CEP170: variants seen among roughly 807,000 people sequenced by gnomAD.
The protein encoded by CEP170 is centrosomal protein of 170 kDa.
CEP170 carries 21 observed loss-of-function variants against 151.9 expected under a neutral mutation model. That is an observed-to-expected ratio of 0.14 (90% CI 0.10 to 0.20). The LOEUF (loss-of-function observed/expected upper bound fraction) is 0.20. Among genes scored for constraint, CEP170 ranks in the 10% least tolerant of loss-of-function variants. The pLI is 1.00. For synonymous variants in CEP170, 356 were observed against 648.8 expected, an observed-to-expected ratio of 0.55 and a Z score of 6.86; for missense variants, 964 against 1,892.9, an observed-to-expected ratio of 0.51 and a Z score of 9.11.
At chr1:243,189,109 T>A (rs1051478068) in intron 8 of CEP170, among the ~76,000 whole-genome samples, 1 of 152,208 alleles carries the variant, frequency 6.6e-6, no homozygotes, top group Non-Finnish European at 1.5e-5. Context: ...AGGACAACAG[T>A]AATATGATTA....
chr1:243,203,728 A>G (rs922208727), intron 4 of CEP170, among the ~76,000 whole-genome samples: 7 of 152,170 alleles, frequency 4.6e-5, no homozygotes, highest in Admixed American at 3.3e-4. Context: ...GAAATTCTTA[A>G]GGTTACCCAA....
At chr1:243,240,971 G>A (rs1282471322) in intron 1 of CEP170, among the ~76,000 whole-genome samples, 2 of 152,100 alleles carry the variant, frequency 1.3e-5, no homozygotes, top group Admixed American at 1.3e-4. Context: ...AGGATTACAG[G>A]TGTAAGCCAC....
At chr1:243,192,434 G>A (rs2060363769) in intron 7 of CEP170, among the ~76,000 whole-genome samples, 1 of 152,044 alleles carries the variant, frequency 6.6e-6, no homozygotes, top group African/African-American at 2.4e-5. Flanking sequence ...AACGTTTTCG[G>A]TACGCAAATG....
At chr1:243,216,772 C>A (rs2062342020) in intron 3 of CEP170, among the ~76,000 whole-genome samples, 1 of 152,184 alleles carries the variant, frequency 6.6e-6, no homozygotes, top group Non-Finnish European at 1.5e-5. Context: ...AAGCTTCCAA[C>A]ATGTTTTAAA....
intron 4 of CEP170, among the ~76,000 whole-genome samples, chr1:243,204,347 A>G (rs1196087492): frequency 6.6e-6 from 1 of 152,206 alleles, no homozygotes; most frequent in African/African-American, 2.4e-5. Flanking sequence ...TTTAGATGCT[A>G]TGATATGATG....
intron 12 of CEP170, chr1:243,169,306 T>G (rs2058662544): frequency 4.4e-6 from 1 of 228,384 alleles, no homozygotes; most frequent in Non-Finnish European, 8.6e-6. Context: ...CCTTAGGAAG[T>G]CTCAACTTAC....
intron 4 of CEP170, chr1:243,211,488 C>CTT: frequency 6.1e-6 from 1 of 163,466 alleles, no homozygotes; most frequent in South Asian, 1.6e-4. Flanking sequence ...GGTTTAAATT[C>CTT]TTACATTCAT....
rs1249272514 is a variant in CEP170, at chr1:243,205,928, A to G, written c.275-5093T>C. 6.0e-5 allele frequency among the ~76,000 whole-genome samples: 9 copies of G among 151,188 alleles called. No homozygotes were observed. The East Asian group carries it at 1.5e-3, about 26-fold the overall frequency. ...GGGAGGAACAAAAAAACAACAAACA[A>G]AAAGAAAGAAGAAGAAAGAAGGAAG... On this transcript the variant is annotated intron_variant, in intron 4 of 19. Transcript: ENST00000366542.
At chr1:243,193,921 C>G (rs1475999994) in intron 7 of CEP170, among the ~76,000 whole-genome samples, 4 of 151,854 alleles carry the variant, frequency 2.6e-5, no homozygotes, top group African/African-American at 9.7e-5. Flanking sequence ...TTACCCAGAA[C>G]AAAGCAGGTA....
intron 13 of CEP170, among the ~76,000 whole-genome samples, chr1:243,156,975 T>A (rs1298291973): frequency 6.6e-6 from 1 of 152,188 alleles, no homozygotes; most frequent in Non-Finnish European, 1.5e-5. Context: ...CTGTGGAAAT[T>A]ATGCCTTTAT....
In CEP170 at chr1:243,135,415, C is replaced by T. The variant is rs375247992; in HGVS notation, c.4319+728G>A. Reference sequence around the variant, plus strand: ...TAGAGACAGGGTTTCACCGTGTTAGCCAGGATGATCTTGATCTCCTGACCT... The same window carrying T: ...TAGAGACAGGGTTTCACCGTGTTAGTCAGGATGATCTTGATCTCCTGACCT... On this transcript the variant is annotated intron_variant, in intron 17 of 19. Coordinates refer to ENST00000366542, the MANE Select transcript of CEP170 (RefSeq NM_014812.3). Among the ~76,000 whole-genome samples, 91 of 152,136 alleles carry T rather than the reference C, an allele frequency of 6.0e-4. 3 individuals are homozygous for T. In the South Asian group the frequency reaches 0.017, roughly 29 times the overall value.
At chr1:243,177,221 C>A (rs543828632) in intron 10 of CEP170, among the ~76,000 whole-genome samples, 2 of 152,128 alleles carry the variant, frequency 1.3e-5, no homozygotes, top group African/African-American at 4.8e-5. Flanking sequence ...AGAAGAGAAG[C>A]GCCGTGGGGT....
rs2057997137 is a variant in CEP170 at position 243,160,721 on chromosome 1, A to G, written c.3676+3563T>C. ...TTTATGAGCATTCAGCAATAAGATC[A>G]GCTGGGGAGAAAAACTGCTGACAAT... On this transcript the variant is annotated intron_variant, in intron 13 of 19. Transcript: ENST00000366542. Among the ~76,000 whole-genome samples, 3 of 152,242 alleles carry G rather than the reference A, an allele frequency of 2.0e-5. No homozygotes were observed. The South Asian group carries it at 6.2e-4, about 32-fold the overall frequency.
At chr1:243,242,628 A>T (rs1184523315) in intron 1 of CEP170, among the ~76,000 whole-genome samples, 2 of 152,124 alleles carry the variant, frequency 1.3e-5, no homozygotes, top group Non-Finnish European at 2.9e-5. Context: ...CCCAAGTTCT[A>T]AACTTTACTT....
chr1:243,193,220 TC>T (rs2060425007), intron 7 of CEP170, among the ~76,000 whole-genome samples: 1 of 152,132 alleles, frequency 6.6e-6, no homozygotes, highest in Non-Finnish European at 1.5e-5. Flanking sequence ...ATTAACTGCT[TC>T]TCATATATTA....
intron 13 of CEP170, among the ~76,000 whole-genome samples, chr1:243,157,713 T>C (rs2057683720): frequency 6.6e-6 from 1 of 152,202 alleles, no homozygotes; most frequent in Non-Finnish European, 1.5e-5. Flanking sequence ...AAAAACTACA[T>C]TTTCAGCTGG....
intron 19 of CEP170, among the ~76,000 whole-genome samples, chr1:243,127,139 A>G (rs1181212149): frequency 6.6e-6 from 1 of 152,240 alleles, no homozygotes; most frequent in Non-Finnish European, 1.5e-5. Flanking sequence ...CAGGGTTCAG[A>G]GTAACCTCAA....
At position 243,129,433 on chromosome 1, in the gene CEP170, T is replaced by C. The variant is rs1340013932; in HGVS notation, c.4340A>G (p.Asp1447Gly). ...GKIRILFKDK[D>G]RNWDDIESKL... ...GCTTTCTATGTCATCCCAATTCCGA[T>C]CTTTGTCTTTAAATAATATTCTATA... Residue 1447 changes from aspartate to glycine, a missense_variant, in exon 18 of 20, where the codon GAT becomes GGT. Asp to Gly is a moderately conservative substitution (Grantham distance 94, BLOSUM62 -1). Transcript: ENST00000366542. The C allele has an allele frequency of 3.3e-5, 52 of 1,557,300 alleles. No homozygotes were observed. The highest frequency in any genetic ancestry group is 4.5e-5 in the Non-Finnish European group (51 of 1,145,672).
chr1:243,217,374 C>CTAA (rs1198532895), intron 3 of CEP170, among the ~76,000 whole-genome samples: 1 of 152,170 alleles, frequency 6.6e-6, no homozygotes, highest in Non-Finnish European at 1.5e-5. Context: ...AAACTTGTCT[C>CTAA]TAATAACCTA....
Sources: gnomAD v4.1 joint callset for allele counts (sites outside exome capture counted in the v4.1 genomes callset) on GRCh38, gnomAD v4.1.1 for gene constraint, MANE v1.5 for transcripts, NCBI Gene and HGNC (gene_info 2026-07-23, HGNC 2026-07-21) for gene names.